C6orf118: variants seen among roughly 807,000 people sequenced by gnomAD.
C6orf118 encodes chromosome 6 open reading frame 118.
C6orf118 carries 50 observed loss-of-function variants against 50.2 expected under a neutral mutation model. The ratio of observed to expected loss-of-function variants is 1.00; its 90% confidence interval spans 0.79 to 1.26. The LOEUF (loss-of-function observed/expected upper bound fraction) is 1.26. Ranked by LOEUF, C6orf118 falls within the 50% of genes most tolerant of loss-of-function variation. C6orf118 has a pLI of 0.00. For synonymous variants in C6orf118, 239 were observed against 230.9 expected, an observed-to-expected ratio of 1.03 and a Z score of -0.32; for missense variants, 641 against 578.7, an observed-to-expected ratio of 1.11 and a Z score of -1.10.
intron 5 of C6orf118, among the ~76,000 whole-genome samples, chr6:165,295,070 G>C (rs1780243955): frequency 6.6e-6 from 1 of 151,904 alleles, no homozygotes; most frequent in Non-Finnish European, 1.5e-5. Flanking sequence ...ACGTGAATTG[G>C]ACATTATTTG....
chr6:165,285,831 C>A (rs919882059), intron 7 of C6orf118, among the ~76,000 whole-genome samples: 2 of 151,606 alleles, frequency 1.3e-5, no homozygotes, highest in Admixed American at 1.3e-4. Context: ...CTAGAAAGAT[C>A]TCAAATCAAT....
rs780335030 is a variant in C6orf118, at chr6:165,298,100, G to A, written c.938C>T (p.Ala313Val). Residue 313 changes from alanine to valine, a missense_variant and splice_region_variant, in exon 5 of 9, where the codon GCT (alanine) becomes GTT (valine). Coordinates refer to ENST00000230301, the MANE Select transcript of C6orf118 (RefSeq NM_144980.4). ...CAGCGCCTTGAGTTGAGCCAGAAGA[G>A]CCTAGGCAGGACCAGGTACATGAGG... ...LESQPAAQYE[A>V]LLAQLKALGQ... 1.3e-6 allele frequency: 2 copies of A among 1,593,148 alleles called. No homozygotes were observed. Among genetic ancestry groups the A allele is most frequent in the South Asian group, 2.3e-5 (2 of 87,080 alleles).
chr6:165,288,847 G>T (rs1456166725), intron 7 of C6orf118, among the ~76,000 whole-genome samples: 1 of 152,004 alleles, frequency 6.6e-6, no homozygotes, highest in Non-Finnish European at 1.5e-5. Flanking sequence ...TAATCCCTAG[G>T]TGATAGGATG....
chr6:165,299,461 C>A lies in C6orf118; in HGVS notation c.918G>T (p.Gln306His). The change falls in exon 4 of 9, where the codon CAG (glutamine) becomes CAT (histidine). Residue 306 changes from glutamine to histidine, a missense_variant. Gln to His is a conservative substitution (Grantham distance 24). Coordinates refer to ENST00000230301, the MANE Select transcript of C6orf118 (RefSeq NM_144980.4). ...TCGTCACCTCGTACTGTGCTGCAGG[C>A]TGGGACTCCAGGAGCGTTGCCATGT... ...ELYMATLLES[Q>H]PAAQYEALLA... The A allele has an allele frequency of 6.2e-7, 1 of 1,614,112 alleles. No individual in the cohort carries two copies.
At chr6:165,281,023 A>G (rs1322145839) in intron 8 of C6orf118, among the ~76,000 whole-genome samples, 1 of 152,242 alleles carries the variant, frequency 6.6e-6, no homozygotes, top group Non-Finnish European at 1.5e-5. Context: ...TAACTGTGCG[A>G]AGTATAAGCT....
At chr6:165,297,341 T>C (rs750803917) in intron 5 of C6orf118, among the ~76,000 whole-genome samples, 6 of 150,170 alleles carry the variant, frequency 4.0e-5, no homozygotes, top group African/African-American at 4.9e-5. Context: ...GAGATGGAAG[T>C]TGCAATGAAC....
At chr6:165,309,493 G>C in intron 1 of C6orf118, 69 bp downstream of exon 1, 1 of 1,564,464 alleles carries the variant, frequency 6.4e-7, no homozygotes, top group Non-Finnish European at 8.8e-7. Flanking sequence ...GTCTTCAGAA[G>C]CCCATCCCTC....
chr6:165,306,497 A>T (rs1417386778), intron 1 of C6orf118, among the ~76,000 whole-genome samples: 7 of 148,038 alleles, frequency 4.7e-5, no homozygotes, highest in Non-Finnish European at 8.9e-5. Flanking sequence ...TAAAAAAAAA[A>T]GAATAATATT....
chr6:165,296,930 G>A (rs994851809), intron 5 of C6orf118, among the ~76,000 whole-genome samples: 5 of 152,250 alleles, frequency 3.3e-5, no homozygotes, highest in African/African-American at 9.6e-5. Context: ...CAACAACCAC[G>A]AGGGCTTCTG....
At chr6:165,289,285 T>C (rs1236586485) in intron 7 of C6orf118, among the ~76,000 whole-genome samples, 1 of 152,140 alleles carries the variant, frequency 6.6e-6, no homozygotes, top group Non-Finnish European at 1.5e-5. Flanking sequence ...CCTTTCTATA[T>C]GCTCTATAAT....
intron 3 of C6orf118, among the ~76,000 whole-genome samples, chr6:165,300,055 T>A (rs1334102276): frequency 6.6e-6 from 1 of 152,218 alleles, no homozygotes; most frequent in Non-Finnish European, 1.5e-5. Context: ...ACATGTAAAG[T>A]TAAATTATTA....
intron 1 of C6orf118, among the ~76,000 whole-genome samples, 195 bp downstream of exon 1, chr6:165,309,367 T>G (rs1407999169): frequency 2.0e-5 from 3 of 152,254 alleles, no homozygotes; most frequent in Non-Finnish European, 4.4e-5. Context: ...CTCTGTGCTT[T>G]GCGCGCTGGT....
Position 165,299,651 on chromosome 6 carries a change from A to C in C6orf118, c.877-149T>G. On this transcript the variant is annotated intron_variant, in intron 3 of 8. Coordinates refer to ENST00000230301, the MANE Select transcript of C6orf118 (RefSeq NM_144980.4). Reference sequence around the variant, plus strand: ...ATGTTCCCACAATGCATTAAACGGTATACATGCTCACATTGATAAAATCAC... The same window carrying C: ...ATGTTCCCACAATGCATTAAACGGTCTACATGCTCACATTGATAAAATCAC... 4 of 596,004 alleles carry C rather than the reference A, an allele frequency of 6.7e-6. No individual in the cohort carries two copies. The Admixed American group carries it at 1.1e-4, about 17-fold the overall frequency. 36.9% of individuals were successfully genotyped at this position (596,004 alleles called of 1,614,324 possible).
chr6:165,296,219 T>G (rs868076731), intron 5 of C6orf118, among the ~76,000 whole-genome samples: 12 of 151,886 alleles, frequency 7.9e-5, no homozygotes, highest in Non-Finnish European at 1.3e-4. Flanking sequence ...AATTCAGTTT[T>G]TTGTTGTTGT....
rs1286080202 is a variant in C6orf118, at chr6:165,301,446, AGAGCTATGCCCCG to A, written c.753+110_753+122del. The A allele has an allele frequency of 1.2e-5, 16 of 1,342,304 alleles. No homozygotes were observed. In the East Asian group the frequency reaches 3.7e-4, roughly 31 times the overall value. The allele number at this position is 1,342,304 out of a possible 1,614,324, so 83.1% of individuals were successfully genotyped here. A position where few individuals can be genotyped will look rare whatever the true frequency, so the allele number is the denominator to read the frequency against. On this transcript the variant is annotated intron_variant, in intron 2 of 8. Coordinates refer to ENST00000230301, the MANE Select transcript of C6orf118 (RefSeq NM_144980.4). ...GGTCTGCACCGAGAACACTGCCCCAAGAGCTATGCCCCGGAGCTCTGCCCCGAGAGGTTTGCCC... is the reference window on the plus strand; with the variant it reads ...GGTCTGCACCGAGAACACTGCCCCAAGAGCTCTGCCCCGAGAGGTTTGCCC...
At chr6:165,283,453 C>T (rs1446319522) in intron 7 of C6orf118, among the ~76,000 whole-genome samples, 1 of 152,208 alleles carries the variant, frequency 6.6e-6, no homozygotes, top group African/African-American at 2.4e-5. Flanking sequence ...GGGGACTCCC[C>T]CAAGCGCAGT....
At chr6:165,292,721 G>C (rs1033704283) in intron 6 of C6orf118, among the ~76,000 whole-genome samples, 1 of 152,330 alleles carries the variant, frequency 6.6e-6, no homozygotes, top group Non-Finnish European at 1.5e-5. Context: ...GCCTGGGACA[G>C]AGAACAGGCG....
intron 2 of C6orf118, 50 bp from the exon 3 acceptor site, chr6:165,300,536 C>T (rs777669733): frequency 6.4e-7 from 1 of 1,568,118 alleles, no homozygotes; most frequent in Non-Finnish European, 8.6e-7. Context: ...CATCTTTCTT[C>T]CAGAACCGAA....
At chr6:165,302,346 G>T in intron 1 of C6orf118, 50 bp from the exon 2 acceptor site, 2 of 1,575,532 alleles carry the variant, frequency 1.3e-6, no homozygotes, top group Non-Finnish European at 1.7e-6. Flanking sequence ...TAGTTCCACA[G>T]TAAGTCAGCT....
Sources: allele counts gnomAD v4.1 joint callset (sites outside exome capture counted in the v4.1 genomes callset), GRCh38; gene constraint gnomAD v4.1.1; transcripts MANE v1.5; gene names NCBI Gene and HGNC (gene_info 2026-07-23, HGNC 2026-07-21).